The following COL4A2 variants were observed in gnomAD, a reference collection of about 807,000 sequenced individuals.
COL4A2 encodes the protein collagen alpha-2(IV) chain.
COL4A2 carries 99 observed loss-of-function variants against 200.2 expected under a neutral mutation model. The ratio of observed to expected loss-of-function variants is 0.49; its 90% CI spans 0.42 to 0.58. The LOEUF is 0.58. Ranked by LOEUF, COL4A2 falls within the 20% of genes least tolerant of loss-of-function variation. The pLI is 0.00. For missense variants in COL4A2, 1,950 were observed against 2,314.1 expected, an observed-to-expected ratio of 0.84 and a Z score of 3.23; for synonymous variants, 897 against 900.6, an observed-to-expected ratio of 1.00 and a Z score of 0.07.
chr13:110,482,798 A>G (rs1278323287), intron 32 of COL4A2, 139 bp downstream of exon 32: 1 of 839,918 alleles, frequency 1.2e-6, no homozygotes, highest in East Asian at 2.6e-5. Context: ...AAAACAAACA[A>G]AATGAGCTAA....
At chr13:110,310,711 C>T (rs1298711648) in intron 3 of COL4A2, among the ~76,000 whole-genome samples, 3 of 151,894 alleles carry the variant, frequency 2.0e-5, no homozygotes, top group African/African-American at 7.3e-5. Flanking sequence ...AAAAGGGCTG[C>T]CGCTGGGAGC....
At chr13:110,394,361 G>C (rs944548688) in intron 4 of COL4A2, among the ~76,000 whole-genome samples, 6 of 152,128 alleles carry the variant, frequency 3.9e-5, no homozygotes, top group African/African-American at 1.4e-4. Context: ...TTCTAACCTG[G>C]TTAGGCTGGT....
At position 110,307,666 on chromosome 13, in the gene COL4A2, C is replaced by T. The variant is rs1311465140; in HGVS notation, c.-45+138C>T. Reference sequence around the variant, plus strand: ...GTGGGAGAGCGAAGACCGAGCTCCTCGGCCAAGGAGCACCCACAGGGGCCT... The same window carrying T: ...GTGGGAGAGCGAAGACCGAGCTCCTTGGCCAAGGAGCACCCACAGGGGCCT... On this transcript the variant is annotated intron_variant, in intron 1 of 47. Coordinates refer to ENST00000360467, the MANE Select transcript of COL4A2 (RefSeq NM_001846.4). This position sits in a 1 kb window ranked among gnomAD's most constrained non-coding sequence, Gnocchi z 5.0. 6.9e-6 allele frequency: 4 copies of T among 578,326 alleles called. No homozygotes were observed. In the East Asian group the frequency reaches 1.2e-4, roughly 17 times the overall value. The allele number at this position is 578,326 out of a possible 1,614,324, so 35.8% of individuals were successfully genotyped here.
At chr13:110,364,587 C>T (rs1877661896) in intron 4 of COL4A2, among the ~76,000 whole-genome samples, 1 of 152,220 alleles carries the variant, frequency 6.6e-6, no homozygotes, top group South Asian at 2.1e-4. Flanking sequence ...GAAAGAGCCA[C>T]ATTATGCTCT....
intron 3 of COL4A2, among the ~76,000 whole-genome samples, chr13:110,316,728 T>A (rs771488159): frequency 4.0e-4 from 61 of 152,202 alleles, no homozygotes; most frequent in Non-Finnish European, 6.6e-4. Flanking sequence ...CTGAGGCATG[T>A]GCAGGAAGGC....
chr13:110,508,857 G>A lies in COL4A2; in HGVS notation c.4881+636G>A, dbSNP rs1466373037. Among the ~76,000 whole-genome samples, 1 of 152,132 alleles carries A rather than the reference G, an allele frequency of 6.6e-6. No homozygotes were observed. Among genetic ancestry groups the A allele is most frequent in the Non-Finnish European group, 1.5e-5 (1 of 68,038 alleles). On this transcript the variant is annotated intron_variant, in intron 47 of 47. Coordinates refer to ENST00000360467, the MANE Select transcript of COL4A2 (RefSeq NM_001846.4). This position sits in a 1 kb window ranked among gnomAD's most constrained non-coding sequence, Gnocchi z 6.1. Reference sequence around the variant, plus strand: ...GGTTTAGCTTAACCTCCAGGGGAGAGACCACAGCACCATAGTGTCTCTTGC... The same window carrying A: ...GGTTTAGCTTAACCTCCAGGGGAGAAACCACAGCACCATAGTGTCTCTTGC...
chr13:110,475,859 G>A (rs1413269975), intron 29 of COL4A2, among the ~76,000 whole-genome samples: 2 of 152,226 alleles, frequency 1.3e-5, no homozygotes, highest in African/African-American at 4.8e-5. Context: ...TTTAGCAGTT[G>A]TTCCTTTTTT....
chr13:110,386,526 G>A (rs1878758739), intron 4 of COL4A2, among the ~76,000 whole-genome samples: 1 of 152,128 alleles, frequency 6.6e-6, no homozygotes, highest in Non-Finnish European at 1.5e-5. Flanking sequence ...AAATGGAAAT[G>A]AAAATACTCA....
intron 3 of COL4A2, among the ~76,000 whole-genome samples, chr13:110,346,041 C>T (rs887902495): frequency 3.9e-5 from 6 of 152,156 alleles, no homozygotes; most frequent in African/African-American, 1.4e-4. Flanking sequence ...GCAACCCCAG[C>T]CAGGATCCTG....
In COL4A2 at chr13:110,495,338, A is replaced by C. The variant is rs536636278; in HGVS notation, c.3635-4A>C. ...CATCAGCTGCTGTTATAACTCTTCC[A>C]CAGGTTCTGACATCCACGGAGACCC... On this transcript the variant is annotated splice_polypyrimidine_tract_variant and splice_region_variant and intron_variant, in intron 39 of 47. Transcript: ENST00000360467. The C allele has an allele frequency of 2.7e-4, 443 of 1,614,098 alleles. No homozygotes were observed. The highest frequency in any genetic ancestry group is 3.5e-4 in the Non-Finnish European group (410 of 1,180,000).
intron 4 of COL4A2, among the ~76,000 whole-genome samples, chr13:110,372,565 T>C (rs1240368538): frequency 6.6e-6 from 1 of 152,228 alleles, no homozygotes; most frequent in Non-Finnish European, 1.5e-5. Flanking sequence ...TTTTAATGTG[T>C]GTTATTTCTG....
chr13:110,351,801 C>T (rs1423595289), intron 3 of COL4A2, among the ~76,000 whole-genome samples: 2 of 152,134 alleles, frequency 1.3e-5, no homozygotes, highest in African/African-American at 4.8e-5. Flanking sequence ...AGTAAATGTT[C>T]ATTCATTTGC....
At chr13:110,449,066 T>C (rs900071351) in intron 18 of COL4A2, among the ~76,000 whole-genome samples, 10 of 152,250 alleles carry the variant, frequency 6.6e-5, no homozygotes, top group African/African-American at 2.4e-4. Flanking sequence ...AGCCCTCTCC[T>C]TATTTTAAGG....
intron 24 of COL4A2, 41 bp from the exon 25 acceptor site, chr13:110,465,364 A>G: frequency 6.4e-7 from 1 of 1,556,936 alleles, no homozygotes; most frequent in Non-Finnish European, 8.6e-7. Flanking sequence ...GATCTTTAAC[A>G]TTAGTATATA....
chr13:110,494,597 G>A (rs982796750), intron 39 of COL4A2, among the ~76,000 whole-genome samples: 1 of 151,724 alleles, frequency 6.6e-6, no homozygotes, highest in African/African-American at 2.4e-5. Flanking sequence ...CATTTAACTC[G>A]GGAGGCTGAG....
At position 110,473,092 on chromosome 13, in the gene COL4A2, G is replaced by A; in HGVS notation, c.2367G>A (p.Val789=). The A allele has an allele frequency of 6.4e-7, 1 of 1,554,898 alleles. No individual in the cohort carries two copies. Residue 789 remains valine, a synonymous_variant, in exon 29 of 48, where the codon GTG becomes GTA. Transcript: ENST00000360467. ...CCGGGCCACGGGGAGATGCTGGTGTGCCTGGACAGCCTGGGCTTAAAGGCC... is the reference window on the plus strand; with the variant it reads ...CCGGGCCACGGGGAGATGCTGGTGTACCTGGACAGCCTGGGCTTAAAGGCC... ...AQPGPRGDAG[V]PGQPGLKGLP... is the part of the protein sequence containing the mutation.
At position 110,511,837 on chromosome 13, in the gene COL4A2, T is replaced by G; in HGVS notation, c.4882-97T>G. The G allele has an allele frequency of 2.5e-6, 4 of 1,571,546 alleles. No individual in the cohort carries two copies. In the Admixed American group the frequency reaches 5.5e-5, roughly 22 times the overall value. On this transcript the variant is annotated intron_variant, in intron 47 of 47. Transcript: ENST00000360467. ...CGTATTGACACTCATGGTTTGCTGT[T>G]CAGTAAAAACAAATGCACAGAAGAG...
chr13:110,323,141 G>A (rs951257919), intron 3 of COL4A2, among the ~76,000 whole-genome samples: 1 of 152,238 alleles, frequency 6.6e-6, no homozygotes, highest in Non-Finnish European at 1.5e-5. Context: ...AGCTGATTGA[G>A]GGGAGGTGTC....
At chr13:110,496,953 A>G (rs1221697564) in intron 40 of COL4A2, among the ~76,000 whole-genome samples, 1 of 141,406 alleles carries the variant, frequency 7.1e-6, no homozygotes, top group East Asian at 2.2e-4. Flanking sequence ...ATCTAGGGTT[A>G]GCATACCAGC....
Sources: allele counts gnomAD v4.1 joint callset (sites outside exome capture counted in the v4.1 genomes callset), GRCh38; gene constraint gnomAD v4.1.1; non-coding constraint Gnocchi (gnomAD v3.1); transcripts MANE v1.5; gene names NCBI Gene and HGNC (gene_info 2026-07-23, HGNC 2026-07-21).